The following LRP1B variants were observed in gnomAD, a reference collection of about 807,000 sequenced individuals.
LRP1B encodes LDL receptor related protein 1B.
LRP1B carries 217 observed loss-of-function variants against 556.6 expected under a neutral mutation model. The ratio of observed to expected loss-of-function variants is 0.39; its 90% CI spans 0.35 to 0.44. The LOEUF (loss-of-function observed/expected upper bound fraction) is 0.44, where lower values mean the gene tolerates loss of function less well. Ranked by LOEUF, LRP1B falls within the 20% of genes least tolerant of loss-of-function variation. LRP1B has a pLI of 1.00. For synonymous variants in LRP1B, 2,047 were observed against 1,865.8 expected (o/e 1.10, Z -2.50); for missense variants, 5,053 against 5,620.8 (o/e 0.90, Z 3.23).
chr2:140,970,579 A>G (rs1696381615), intron 18 of LRP1B, among the ~76,000 whole-genome samples: 1 of 152,034 alleles, frequency 6.6e-6, no homozygotes, highest in South Asian at 2.1e-4. Context: ...TACGTTCCTC[A>G]GTTGGAAATG....
chr2:141,388,624 C>T (rs1484550950), intron 3 of LRP1B, among the ~76,000 whole-genome samples: 1 of 152,062 alleles, frequency 6.6e-6, no homozygotes, highest in Non-Finnish European at 1.5e-5. Flanking sequence ...ACTTTTAACA[C>T]TTCTGCTGAA....
chr2:141,876,916 A>G (rs1480305618), intron 1 of LRP1B, among the ~76,000 whole-genome samples: 2 of 151,974 alleles, frequency 1.3e-5, no homozygotes, highest in Non-Finnish European at 1.5e-5. Context: ...AGACTTTGGC[A>G]TTGAATCAAT....
chr2:140,370,683 A>T (rs758720576), intron 71 of LRP1B, 27 bp downstream of exon 71: 1 of 1,610,112 alleles, frequency 6.2e-7, no homozygotes, highest in South Asian at 1.1e-5. Flanking sequence ...TCTCATTTAC[A>T]GGCACACACA....
chr2:140,894,875 A>C (rs191632662), intron 23 of LRP1B, among the ~76,000 whole-genome samples: 47 of 151,960 alleles, frequency 3.1e-4, no homozygotes, highest in East Asian at 1.4e-3. Flanking sequence ...CCTGGGAGGC[A>C]GAGGTTGTAG....
chr2:141,224,764 C>T (rs1683179192), intron 6 of LRP1B, among the ~76,000 whole-genome samples: 1 of 146,540 alleles, frequency 6.8e-6, no homozygotes, highest in South Asian at 2.3e-4. Flanking sequence ...GGGAGCTGAA[C>T]AATGAGAACA....
Position 141,591,363 on chromosome 2 carries a change from G to GTTT in LRP1B, c.206-110833_206-110831dup, listed in dbSNP as rs71391662. Among the ~76,000 whole-genome samples the GTTT allele has an allele frequency of 5.4e-3, 745 of 139,046 alleles. 10 individuals are homozygous for GTTT. Among genetic ancestry groups the GTTT allele is most frequent in the Non-Finnish European group, 7.7e-3 (497 of 64,588 alleles). The allele number at this position is 139,046 out of a possible 152,430, so 91.2% of individuals were successfully genotyped here. A position where few individuals can be genotyped will look rare whatever the true frequency, so the allele number is the denominator to read the frequency against. On this transcript the variant is annotated intron_variant, in intron 2 of 90. Coordinates refer to ENST00000389484, the MANE Select transcript of LRP1B (RefSeq NM_018557.3). ...GGTTTTTTTTTGTTGTTGTTTGTTT[G>GTTT]TTTTTTTTTTTTTCCCAGGCCTCTG... is the stretch of plus-strand genomic sequence containing the variant.
intron 14 of LRP1B, among the ~76,000 whole-genome samples, chr2:141,011,725 T>A (rs1573979325): frequency 6.6e-6 from 1 of 152,202 alleles, no homozygotes; most frequent in East Asian, 1.9e-4. Flanking sequence ...TATTTTAATG[T>A]CCCTTCAATT....
At chr2:141,676,490 G>T (rs1030422658) in intron 2 of LRP1B, among the ~76,000 whole-genome samples, 15 of 152,036 alleles carry the variant, frequency 9.9e-5, no homozygotes, top group Non-Finnish European at 2.2e-4. Flanking sequence ...GCATCTGGTT[G>T]ATCTCACCAT....
intron 18 of LRP1B, 82 bp from the exon 19 acceptor site, chr2:140,952,022 C>A: frequency 1.0e-6 from 1 of 965,430 alleles, no homozygotes; most frequent in South Asian, 1.4e-5. Context: ...ATAATGTGAT[C>A]AGAACTCCTT....
chr2:141,709,666 G>C (rs1228559384), intron 2 of LRP1B, among the ~76,000 whole-genome samples: 1 of 152,186 alleles, frequency 6.6e-6, no homozygotes, highest in Non-Finnish European at 1.5e-5. Flanking sequence ...AGAGTAGATT[G>C]ATAAAATAAG....
intron 66 of LRP1B, among the ~76,000 whole-genome samples, chr2:140,411,550 A>G (rs1238908863): frequency 6.6e-6 from 1 of 152,124 alleles, no homozygotes; most frequent in Non-Finnish European, 1.5e-5. Flanking sequence ...AGATTTAGAA[A>G]TAGCCACAGA....
chr2:141,167,544 C>T (rs1680324250), intron 7 of LRP1B, among the ~76,000 whole-genome samples: 1 of 151,624 alleles, frequency 6.6e-6, no homozygotes, highest in African/African-American at 2.4e-5. Context: ...ATAAGATAGT[C>T]ATCAACTAAC....
intron 67 of LRP1B, among the ~76,000 whole-genome samples, chr2:140,385,214 C>T (rs1683705663): frequency 6.6e-6 from 1 of 152,106 alleles, no homozygotes; most frequent in East Asian, 1.9e-4. Flanking sequence ...CACTGCTCTC[C>T]AGCCTGAGCA....
intron 1 of LRP1B, among the ~76,000 whole-genome samples, chr2:141,846,277 A>G (rs978147479): frequency 6.6e-6 from 1 of 151,752 alleles, no homozygotes; most frequent in South Asian, 2.1e-4. Flanking sequence ...ACATTTAAAT[A>G]TGTAGCTAAA....
chr2:140,646,463 G>A (rs1228526219), intron 41 of LRP1B, among the ~76,000 whole-genome samples: 1 of 152,178 alleles, frequency 6.6e-6, no homozygotes, highest in East Asian at 1.9e-4. Flanking sequence ...TTGAAGGTCA[G>A]GGAGTTAAAT....
At chr2:142,032,618 CCTCT>C (rs1033939326) in intron 1 of LRP1B, among the ~76,000 whole-genome samples, 3 of 151,802 alleles carry the variant, frequency 2.0e-5, no homozygotes, top group African/African-American at 4.8e-5. Context: ...TCTTTAGGAG[CCTCT>C]CTCTGTCTCT....
chr2:141,188,837 G>A (rs977627508), intron 6 of LRP1B, among the ~76,000 whole-genome samples: 7 of 151,790 alleles, frequency 4.6e-5, no homozygotes, highest in Admixed American at 2.6e-4. Flanking sequence ...GAGTTTCCAC[G>A]TTTTAAAATA....
chr2:140,284,970 A>G (rs1368213116), intron 84 of LRP1B, among the ~76,000 whole-genome samples: 1 of 150,180 alleles, frequency 6.7e-6, no homozygotes, highest in African/African-American at 2.4e-5. Context: ...ATCTATCTCT[A>G]TATGTACCTA....
chr2:141,762,261 T>C (rs930192743), intron 2 of LRP1B, among the ~76,000 whole-genome samples: 1 of 151,500 alleles, frequency 6.6e-6, no homozygotes. Context: ...GCAAAGACCA[T>C]AGGGAGCAGG....
Sources: gnomAD v4.1 joint callset for allele counts (sites outside exome capture counted in the v4.1 genomes callset) on GRCh38, gnomAD v4.1.1 for gene constraint, MANE v1.5 for transcripts, NCBI Gene and HGNC (gene_info 2026-07-23, HGNC 2026-07-21) for gene names.